SPACA7: variants seen among roughly 807,000 people sequenced by gnomAD.
The protein encoded by SPACA7 is sperm acrosome associated 7, also known as sperm acrosome-associated protein 7.
SPACA7 carries 19 observed loss-of-function variants against 26.3 expected under a neutral mutation model. That is an observed-to-expected ratio of 0.72 (90% confidence interval 0.50 to 1.06). The LOEUF is 1.06. SPACA7 is among the 50% of genes least tolerant of loss of function. The probability of loss-of-function intolerance (pLI) is 0.00; values close to 1 mark genes in which losing one functional copy is unlikely to be tolerated. For synonymous variants in SPACA7, 84 were observed against 84.5 expected, an observed-to-expected ratio of 0.99 and a Z score of 0.04; for missense variants, 211 against 229.9, an observed-to-expected ratio of 0.92 and a Z score of 0.53.
chr13:112,408,132 A>C (rs146332292), intron 5 of SPACA7, among the ~76,000 whole-genome samples: 2,204 of 152,334 alleles, frequency 0.014, 55 homozygotes, highest in African/African-American at 0.05. Flanking sequence ...TGATTATCTC[A>C]ATAGATGCAG....
chr13:112,385,009 C>T (rs952102272), intron 1 of SPACA7, among the ~76,000 whole-genome samples: 1 of 152,148 alleles, frequency 6.6e-6, no homozygotes, highest in Non-Finnish European at 1.5e-5. Context: ...TTACAATTTT[C>T]CATCAAAGAG....
At chr13:112,407,360 C>G (rs1279154971) in intron 5 of SPACA7, among the ~76,000 whole-genome samples, 1 of 152,126 alleles carries the variant, frequency 6.6e-6, no homozygotes, top group Non-Finnish European at 1.5e-5. Flanking sequence ...CAAGAAATAA[C>G]TAAGATCAGA....
intron 1 of SPACA7, among the ~76,000 whole-genome samples, chr13:112,383,148 AGAAAG>A (rs1884274501): frequency 8.3e-6 from 1 of 120,814 alleles, no homozygotes; most frequent in African/African-American, 3.7e-5. Context: ...AAAGAAAGAA[AGAAAG>A]AAAGAAAGAA....
chr13:112,434,601 C>G lies in SPACA7; in HGVS notation c.*52C>G. 1 of 1,451,814 alleles carries G rather than the reference C, an allele frequency of 6.9e-7. No homozygotes were observed. Among genetic ancestry groups the G allele is most frequent in the Non-Finnish European group, 9.5e-7 (1 of 1,053,846 alleles). The allele number at this position is 1,451,814 out of a possible 1,614,324, so 89.9% of individuals were successfully genotyped here. A position where few individuals can be genotyped will look rare whatever the true frequency, so the allele number is the denominator to read the frequency against. On this transcript the variant is annotated 3_prime_UTR_variant, in exon 7 of 7. Coordinates refer to ENST00000283550, the MANE Select transcript of SPACA7 (RefSeq NM_145248.5). ...GGAGAGGAGCCTGCTAGAACCCCCACCCACCAGCCTCCGGAACAGGGCACT... is the reference window on the plus strand; with the variant it reads ...GGAGAGGAGCCTGCTAGAACCCCCAGCCACCAGCCTCCGGAACAGGGCACT...
intron 5 of SPACA7, among the ~76,000 whole-genome samples, chr13:112,405,267 G>C (rs917218756): frequency 6.6e-6 from 1 of 151,502 alleles, no homozygotes; most frequent in African/African-American, 2.4e-5. Flanking sequence ...TTCTCTTATA[G>C]TTCACTTTCT....
chr13:112,423,098 T>G (rs571585566), intron 5 of SPACA7, among the ~76,000 whole-genome samples: 20 of 152,282 alleles, frequency 1.3e-4, no homozygotes, highest in African/African-American at 4.1e-4. Context: ...ATAAATAGAA[T>G]GATGGCTTTT....
chr13:112,383,911 G>C (rs866571243), intron 1 of SPACA7, among the ~76,000 whole-genome samples: 1 of 152,180 alleles, frequency 6.6e-6, no homozygotes. Flanking sequence ...GCCATAAATT[G>C]AGAATACTTA....
intron 1 of SPACA7, chr13:112,378,774 A>C: frequency 2.1e-6 from 1 of 470,988 alleles, no homozygotes; most frequent in Non-Finnish European, 4.4e-6. Context: ...AGTTTTTAAA[A>C]ACTGTCTGGT....
chr13:112,401,143 G>A lies in SPACA7; in HGVS notation c.424G>A (p.Glu142Lys). 1 of 1,614,050 alleles carries A rather than the reference G, an allele frequency of 6.2e-7. No individual in the cohort carries two copies. The highest frequency in any genetic ancestry group is 1.3e-5 in the African/African-American group (1 of 75,028). Residue 142 changes from glutamate (E) to lysine (K), a missense_variant, in exon 5 of 7, where the codon GAG becomes AAG. Glu to Lys is a moderately conservative substitution (Grantham distance 56, BLOSUM62 1). Coordinates refer to ENST00000283550, the MANE Select transcript of SPACA7 (RefSeq NM_145248.5). ...YRGPQVSPGSEKSVSSKEKNS... is the reference protein window; with the variant it reads ...YRGPQVSPGSKKSVSSKEKNS... ...TGGGCCACAGGTGTCTCCTGGCAGT[G>A]AGAAGAGTGTTTCCAGTAAAGGTAA...
At chr13:112,385,668 A>C (rs1283540838) in intron 1 of SPACA7, among the ~76,000 whole-genome samples, 1 of 152,176 alleles carries the variant, frequency 6.6e-6, no homozygotes, top group Non-Finnish European at 1.5e-5. Flanking sequence ...ATTTAGACCA[A>C]ATGTCTACAT....
intron 5 of SPACA7, among the ~76,000 whole-genome samples, chr13:112,427,129 C>G (rs1379767106): frequency 2.0e-5 from 3 of 152,168 alleles, no homozygotes; most frequent in Non-Finnish European, 4.4e-5. Flanking sequence ...TGAATCTATT[C>G]TGAGCATAGC....
rs568926596 is a variant in SPACA7 at position 112,434,554 on chromosome 13, G to A, written c.*5G>A. The stretch of plus-strand genomic sequence containing the variant: ...AGGAGCCAAGGCAGTCAGTGAGGCC[G>A]CAGCCCCAGACCCCCTGCGCAGGAG... On this transcript the variant is annotated 3_prime_UTR_variant, in exon 7 of 7. Coordinates refer to ENST00000283550, the MANE Select transcript of SPACA7 (RefSeq NM_145248.5). 69 of 1,601,076 alleles carry A rather than the reference G, an allele frequency of 4.3e-5. No individual in the cohort carries two copies. Among genetic ancestry groups the A allele is most frequent in the South Asian group, 5.6e-5 (5 of 88,786 alleles).
chr13:112,411,523 A>C (rs983716656), intron 5 of SPACA7, among the ~76,000 whole-genome samples: 28 of 152,126 alleles, frequency 1.8e-4, no homozygotes, highest in African/African-American at 6.8e-4. Context: ...CGTGCTGCCA[A>C]ATGCTAGAAC....
chr13:112,393,106 G>T (rs1482466821), intron 2 of SPACA7, 29 bp downstream of exon 2: 1 of 1,590,082 alleles, frequency 6.3e-7, no homozygotes, highest in African/African-American at 1.3e-5. Context: ...TCAACCTCTG[G>T]CCTGTACGTG....
chr13:112,434,353 G>T lies in SPACA7; in HGVS notation c.524-132G>T, dbSNP rs577552133. On this transcript the variant is annotated intron_variant, in intron 6 of 6. Coordinates refer to ENST00000283550, the MANE Select transcript of SPACA7 (RefSeq NM_145248.5). ...CGGTCCTCCTGCCCCAGACACATCC[G>T]CAGGGCTCTCCCCTCCCTCCACAAC... 17 of 746,274 alleles carry T rather than the reference G, an allele frequency of 2.3e-5. No individual in the cohort carries two copies. The South Asian group carries it at 2.6e-4, about 11-fold the overall frequency. 46.2% of individuals were successfully genotyped at this position (746,274 alleles called of 1,614,324 possible).
At chr13:112,434,244 G>A (rs7139582) in intron 6 of SPACA7, among the ~76,000 whole-genome samples, 2 of 152,154 alleles carry the variant, frequency 1.3e-5, no homozygotes, top group Non-Finnish European at 2.9e-5. Flanking sequence ...GGGTTTTGAG[G>A]GAGAACGCGG....
At chr13:112,388,270 T>G (rs943000548) in intron 1 of SPACA7, among the ~76,000 whole-genome samples, 1 of 152,028 alleles carries the variant, frequency 6.6e-6, no homozygotes, top group African/African-American at 2.4e-5. Context: ...GAGTGAGAAG[T>G]CTCCCAAACC....
At chr13:112,387,516 A>G (rs1884603930) in intron 1 of SPACA7, among the ~76,000 whole-genome samples, 1 of 152,242 alleles carries the variant, frequency 6.6e-6, no homozygotes, top group Non-Finnish European at 1.5e-5. Context: ...AGTTTCACAA[A>G]TCCTTTCTCC....
At chr13:112,387,210 T>G (rs1884582864) in intron 1 of SPACA7, among the ~76,000 whole-genome samples, 1 of 152,232 alleles carries the variant, frequency 6.6e-6, no homozygotes, top group African/African-American at 2.4e-5. Flanking sequence ...AACTAGGACA[T>G]GAATCCCCTA....
Sources: allele counts gnomAD v4.1 joint callset (sites outside exome capture counted in the v4.1 genomes callset), GRCh38; gene constraint gnomAD v4.1.1; transcripts MANE v1.5; gene names NCBI Gene and HGNC (gene_info 2026-07-23, HGNC 2026-07-21).